RORB: variants seen among roughly 807,000 people sequenced by gnomAD.
RORB encodes the protein RAR related orphan receptor B.
A neutral mutation model predicts 59.1 loss-of-function variants in RORB; 6 were observed. The observed-to-expected ratio is 0.10, with a 90% CI of 0.06 to 0.20. The LOEUF (loss-of-function observed/expected upper bound fraction) is 0.20. Among genes scored for constraint, RORB ranks in the 10% least tolerant of loss-of-function variants. The pLI is 1.00. For missense variants in RORB, 320 were observed against 560.5 expected (o/e 0.57, Z 4.33); for synonymous variants, 215 against 204.5 (o/e 1.05, Z -0.44).
Position 74,577,622 on chromosome 9 carries a change from G to A in RORB, c.8-52660G>A, listed in dbSNP as rs138030878. 6.4e-4 allele frequency among the ~76,000 whole-genome samples: 98 copies of A among 152,206 alleles called. 3 individuals carry two copies. In the East Asian group the frequency reaches 0.017, roughly 27 times the overall value. ...TCCTGAGAGAAAGTTAGCAGAAGGTGACACCCATTATGGATGCAAAGTGAA... is the reference window on the plus strand; with the variant it reads ...TCCTGAGAGAAAGTTAGCAGAAGGTAACACCCATTATGGATGCAAAGTGAA... On this transcript the variant is annotated intron_variant, in intron 1 of 9. Coordinates refer to ENST00000376896, the MANE Select transcript of RORB (RefSeq NM_006914.4).
At position 74,497,601 on chromosome 9, in the gene RORB, G is replaced by T. The variant is rs1163094384; in HGVS notation, c.-376G>T. ...CTCCTCAGTCCAAGTGATCACAAAAGAAATCTTCTGAGCCGGAGGCGGTGG... is the reference window on the plus strand; with the variant it reads ...CTCCTCAGTCCAAGTGATCACAAAATAAATCTTCTGAGCCGGAGGCGGTGG... On this transcript the variant is annotated 5_prime_UTR_variant, in exon 1 of 10. Coordinates refer to ENST00000376896, the MANE Select transcript of RORB (RefSeq NM_006914.4). The T allele has an allele frequency of 3.7e-5, 11 of 293,568 alleles. No homozygotes were observed. In the South Asian group the frequency reaches 6.6e-4, roughly 18 times the overall value. The allele number at this position is 293,568 out of a possible 1,614,324, so 18.2% of individuals were successfully genotyped here. A position where few individuals can be genotyped will look rare whatever the true frequency, so the allele number is the denominator to read the frequency against.
rs1289047606 is a variant in RORB, at chr9:74,686,563, G to A, written c.*945G>A. The stretch of plus-strand genomic sequence containing the variant: ...CTTTTTTTCTTTTGGATTTCTGGTT[G>A]TGAAACAAGCTTGATTTCAGTGCTT... On this transcript the variant is annotated 3_prime_UTR_variant, in exon 10 of 10. Transcript: ENST00000376896. The A allele has an allele frequency of 6.6e-6, 1 of 152,152 alleles. No homozygotes were observed. Among genetic ancestry groups the A allele is most frequent in the African/African-American group, 2.4e-5 (1 of 41,434 alleles). 9.4% of individuals were successfully genotyped at this position (152,152 alleles called of 1,614,324 possible).
intron 9 of RORB, among the ~76,000 whole-genome samples, chr9:74,682,972 G>A (rs550198511): frequency 1.4e-4 from 21 of 152,258 alleles, no homozygotes; most frequent in African/African-American, 5.1e-4. Flanking sequence ...TCGATCCCAT[G>A]AACCCACTGC....
In RORB at chr9:74,557,009, G is replaced by A. The variant is rs113926563; in HGVS notation, c.7+59026G>A. Among the ~76,000 whole-genome samples the A allele has an allele frequency of 2.1e-4, 32 of 151,694 alleles. No homozygotes were observed. In the South Asian group the frequency reaches 3.1e-3, roughly 15 times the overall value. ...TGGTAGATATGTCCTTGCCTATTTC[G>A]TATTCATTTCCCCCTTTTTTCTACC... is the stretch of plus-strand genomic sequence containing the variant. On this transcript the variant is annotated intron_variant, in intron 1 of 9. Transcript: ENST00000376896.
chr9:74,681,364 G>A (rs1243895479), intron 9 of RORB, among the ~76,000 whole-genome samples: 1 of 152,168 alleles, frequency 6.6e-6, no homozygotes, highest in African/African-American at 2.4e-5. Flanking sequence ...CCTCCACATG[G>A]CCTCCTGGCC....
intron 1 of RORB, among the ~76,000 whole-genome samples, chr9:74,527,681 G>T (rs190221877): frequency 3.9e-5 from 6 of 152,092 alleles, no homozygotes; most frequent in Non-Finnish European, 7.4e-5. Flanking sequence ...TTCATGTTTT[G>T]TCAAAGATTT....
chr9:74,550,529 G>A (rs1364806745), intron 1 of RORB, among the ~76,000 whole-genome samples: 1 of 152,190 alleles, frequency 6.6e-6, no homozygotes. Context: ...TGTTAGAGAA[G>A]TAGTTTTTAT....
At chr9:74,680,792 G>T (rs1824535552) in intron 9 of RORB, among the ~76,000 whole-genome samples, 1 of 152,070 alleles carries the variant, frequency 6.6e-6, no homozygotes, top group Non-Finnish European at 1.5e-5. Context: ...AACCATTGCT[G>T]GCTTCCTGCT....
chr9:74,596,811 TG>T (rs1822976464), intron 1 of RORB, among the ~76,000 whole-genome samples: 1 of 152,228 alleles, frequency 6.6e-6, no homozygotes, highest in African/African-American at 2.4e-5. Context: ...CTAATTAAAA[TG>T]AAAGAGAATT....
chr9:74,544,203 C>G (rs1826454860), intron 1 of RORB, among the ~76,000 whole-genome samples: 1 of 152,204 alleles, frequency 6.6e-6, no homozygotes, highest in African/African-American at 2.4e-5. Context: ...GCTCCATTCT[C>G]TATCATTATC....
intron 1 of RORB, among the ~76,000 whole-genome samples, chr9:74,547,431 G>A (rs1360736428): frequency 6.6e-6 from 1 of 152,184 alleles, no homozygotes; most frequent in African/African-American, 2.4e-5. Flanking sequence ...TACCAATATT[G>A]AAGGAGATAG....
intron 1 of RORB, among the ~76,000 whole-genome samples, chr9:74,578,912 C>T (rs1822676953): frequency 6.6e-6 from 1 of 152,080 alleles, no homozygotes; most frequent in Non-Finnish European, 1.5e-5. Flanking sequence ...TTGTCCTCTG[C>T]CTGTCCTGCT....
chr9:74,623,440 T>TG (rs1823456864), intron 1 of RORB, among the ~76,000 whole-genome samples: 1 of 18,780 alleles, frequency 5.3e-5, no homozygotes, highest in Non-Finnish European at 5.8e-4. Flanking sequence ...GTTTTCTCTC[T>TG]CTTTTTTTTT....
chr9:74,502,836 AT>A (rs1206786916), intron 1 of RORB, among the ~76,000 whole-genome samples: 1 of 152,058 alleles, frequency 6.6e-6, no homozygotes, highest in Non-Finnish European at 1.5e-5. Context: ...TCAAAGGTTC[AT>A]AAGCACATAC....
At chr9:74,593,051 A>G (rs1249348043) in intron 1 of RORB, among the ~76,000 whole-genome samples, 10 of 152,116 alleles carry the variant, frequency 6.6e-5, no homozygotes, top group African/African-American at 2.4e-4. Context: ...CCCTTTGTCC[A>G]TCCATTACTG....
At chr9:74,613,136 C>T (rs1166357896) in intron 1 of RORB, among the ~76,000 whole-genome samples, 1 of 152,126 alleles carries the variant, frequency 6.6e-6, no homozygotes, top group African/African-American at 2.4e-5. Context: ...CCACGATGAA[C>T]AAAGGCATGA....
intron 3 of RORB, among the ~76,000 whole-genome samples, chr9:74,641,773 G>A (rs935559328): frequency 5.3e-5 from 8 of 152,016 alleles, no homozygotes; most frequent in South Asian, 4.2e-4. Flanking sequence ...TGGACCTGGC[G>A]GCATGCACCT....
chr9:74,589,038 G>A (rs991527445), intron 1 of RORB, among the ~76,000 whole-genome samples: 1 of 152,098 alleles, frequency 6.6e-6, no homozygotes, highest in Non-Finnish European at 1.5e-5. Flanking sequence ...AATGAAACAT[G>A]ATGTTAACAT....
At chr9:74,593,363 G>T (rs1017439531) in intron 1 of RORB, among the ~76,000 whole-genome samples, 5 of 151,512 alleles carry the variant, frequency 3.3e-5, no homozygotes. Flanking sequence ...CTACTTGGGA[G>T]GCTGAGGAAT....
Sources: gnomAD v4.1 joint callset for allele counts (sites outside exome capture counted in the v4.1 genomes callset) on GRCh38, gnomAD v4.1.1 for gene constraint, MANE v1.5 for transcripts, NCBI Gene and HGNC (gene_info 2026-07-23, HGNC 2026-07-21) for gene names.